RAPGEF2: variants seen among roughly 807,000 people sequenced by gnomAD.
RAPGEF2 encodes PDZ domain containing guanine nucleotide exchange factor (GEF) 1.
Under a neutral mutation model 186.7 loss-of-function variants are expected in RAPGEF2, and 54 were observed. The ratio of observed to expected loss-of-function variants is 0.29; its 90% CI spans 0.23 to 0.36. The LOEUF is 0.36. Among genes scored for constraint, RAPGEF2 ranks in the 10% least tolerant of loss-of-function variants. RAPGEF2 has a pLI of 1.00. For missense variants in RAPGEF2, 1,532 were observed against 2,045.0 expected, an observed-to-expected ratio of 0.75 and a Z score of 4.84; for synonymous variants, 712 against 705.9, an observed-to-expected ratio of 1.01 and a Z score of -0.14.
At chr4:159,286,063 C>T (rs961248744) in intron 7 of RAPGEF2, among the ~76,000 whole-genome samples, 1 of 148,506 alleles carries the variant, frequency 6.7e-6, no homozygotes, top group African/African-American at 2.5e-5. Flanking sequence ...CCACCACCAC[C>T]ACCACCACCA....
chr4:159,355,878 G>GCCGCCCCC lies in RAPGEF2; in HGVS notation c.4679_4680insGCCCCCCC (p.Thr1563ProfsTer65). The GCCGCCCCC allele has an allele frequency of 3.4e-5, 51 of 1,515,786 alleles. No individual in the cohort carries two copies. The highest frequency in any genetic ancestry group is 5.0e-5 in the East Asian group (2 of 40,072). 93.9% of individuals were successfully genotyped at this position (1,515,786 alleles called of 1,614,324 possible). A position where few individuals can be genotyped will look rare whatever the true frequency, so the allele number is the denominator to read the frequency against. On this transcript the variant is annotated frameshift_variant, in exon 29 of 30. Transcript: ENST00000691494. LOFTEE classifies it high-confidence loss of function. Reference sequence around the variant, plus strand: ...CACGAAAGGAGGGCAGGTATCGAGAGCCCCCGCCCACCCCTCCCGGCTACA... The same window carrying GCCGCCCCC: ...CACGAAAGGAGGGCAGGTATCGAGAGCCGCCCCCCCCCCGCCCACCCCTCCCGGCTACA...
rs1286112285 is a variant in RAPGEF2, at chr4:159,354,179, G to T, written c.4651+133G>T. The T allele has an allele frequency of 4.9e-6, 5 of 1,015,622 alleles. No individual in the cohort carries two copies. The East Asian group carries it at 1.3e-4, about 27-fold the overall frequency. The allele number at this position is 1,015,622 out of a possible 1,614,324, so 62.9% of individuals were successfully genotyped here. A position where few individuals can be genotyped will look rare whatever the true frequency, so the allele number is the denominator to read the frequency against. ...ATTGCTATGTAGGACTTCCAAATTAGTGGTGTGTTAAGGTCTTTGAAATCA... is the reference window on the plus strand; with the variant it reads ...ATTGCTATGTAGGACTTCCAAATTATTGGTGTGTTAAGGTCTTTGAAATCA... On this transcript the variant is annotated intron_variant, in intron 28 of 29. Transcript: ENST00000691494.
chr4:159,112,140 G>C (rs997177490), intron 1 of RAPGEF2, among the ~76,000 whole-genome samples: 1 of 152,124 alleles, frequency 6.6e-6, no homozygotes, highest in African/African-American at 2.4e-5. Context: ...TTACCTTTTG[G>C]TTAAAATGAA....
At chr4:159,151,997 A>T (rs952905504) in intron 1 of RAPGEF2, among the ~76,000 whole-genome samples, 9 of 152,168 alleles carry the variant, frequency 5.9e-5, no homozygotes, top group Non-Finnish European at 1.0e-4. Flanking sequence ...ATGGACAAGG[A>T]GAAAGTAGAA....
At position 159,322,491 on chromosome 4, in the gene RAPGEF2, A is replaced by T; in HGVS notation, c.990+8A>T. ...TTAAATGATGGTGAAGAGGTGAGTA[A>T]CTATTCCTACCACTTAAAAAGTTTC... On this transcript the variant is annotated splice_region_variant and intron_variant, in intron 10 of 29. Coordinates refer to ENST00000691494, the MANE Select transcript of RAPGEF2 (RefSeq NM_001394067.2). 1 of 1,611,634 alleles carries T rather than the reference A, an allele frequency of 6.2e-7. No individual in the cohort carries two copies.
intron 17 of RAPGEF2, among the ~76,000 whole-genome samples, chr4:159,333,225 G>A (rs1269944415): frequency 6.6e-6 from 1 of 151,960 alleles, no homozygotes; most frequent in Non-Finnish European, 1.5e-5. Flanking sequence ...TGATCCACCC[G>A]CCTCGGCCTC....
chr4:159,233,090 T>C (rs1752827065), intron 4 of RAPGEF2, among the ~76,000 whole-genome samples: 2 of 152,236 alleles, frequency 1.3e-5, no homozygotes, highest in African/African-American at 2.4e-5. Flanking sequence ...ACAAATACTT[T>C]CTCTTATTCT....
rs1759107840 is a variant in RAPGEF2 at position 159,277,746 on chromosome 4, A to T, written c.544-26596A>T. On this transcript the variant is annotated intron_variant, in intron 7 of 29. Transcript: ENST00000691494. ...CTTCTTTTGTGAAGTGTCTGTTCAT[A>T]TCCTTTGCCCGCTTTTTTATGGGGT... is the stretch of plus-strand genomic sequence containing the variant. 5.9e-5 allele frequency among the ~76,000 whole-genome samples: 9 copies of T among 152,238 alleles called. 1 individual carries two copies. In the South Asian group the frequency reaches 1.9e-3, roughly 32 times the overall value.
chr4:159,150,852 T>C (rs1311130640), intron 1 of RAPGEF2, among the ~76,000 whole-genome samples: 1 of 152,064 alleles, frequency 6.6e-6, no homozygotes, highest in East Asian at 1.9e-4. Flanking sequence ...GAAGCTGAGG[T>C]TTCAGGTAAC....
chr4:159,123,711 G>A (rs1185475825), intron 1 of RAPGEF2, among the ~76,000 whole-genome samples: 2 of 151,600 alleles, frequency 1.3e-5, no homozygotes, highest in South Asian at 4.2e-4. Context: ...GTAGAGACAG[G>A]GTTTCACCGT....
intron 4 of RAPGEF2, among the ~76,000 whole-genome samples, chr4:159,219,200 G>A (rs1339501533): frequency 2.6e-5 from 4 of 152,030 alleles, no homozygotes; most frequent in South Asian, 4.1e-4. Flanking sequence ...TGACATACCC[G>A]TATTAGTTTT....
chr4:159,352,891 C>T lies in RAPGEF2; in HGVS notation c.4072C>T (p.Pro1358Ser). The change falls in exon 27 of 30, where the codon CCT becomes TCT. Residue 1358 changes from proline to serine, a missense_variant. Coordinates refer to ENST00000691494, the MANE Select transcript of RAPGEF2 (RefSeq NM_001394067.2). ...GATGGAGAGGCGGACCATGATTGAA[C>T]CTGATCAGTATAGCTTGGGGTAGGT... ...GRMERRTMIE[P>S]DQYSLGSYAP... 3 of 1,614,086 alleles carry T rather than the reference C, an allele frequency of 1.9e-6. No homozygotes were observed. Among genetic ancestry groups the T allele is most frequent in the Non-Finnish European group, 2.5e-6 (3 of 1,179,956 alleles).
intron 1 of RAPGEF2, among the ~76,000 whole-genome samples, chr4:159,137,093 A>T (rs766929807): frequency 6.6e-6 from 1 of 152,162 alleles, no homozygotes; most frequent in Non-Finnish European, 1.5e-5. Context: ...TGGGCCTATA[A>T]ATTCATTTGA....
chr4:159,197,666 G>A (rs1748796336), intron 3 of RAPGEF2, among the ~76,000 whole-genome samples: 1 of 152,210 alleles, frequency 6.6e-6, no homozygotes, highest in Admixed American at 6.5e-5. Flanking sequence ...AGAACTGCAA[G>A]CCTCAGCTGA....
intron 1 of RAPGEF2, among the ~76,000 whole-genome samples, chr4:159,131,254 G>T (rs1014897277): frequency 6.6e-6 from 1 of 152,086 alleles, no homozygotes; most frequent in Non-Finnish European, 1.5e-5. Flanking sequence ...GGGATTACAG[G>T]CATATGCCAC....
chr4:159,303,796 G>A (rs1196434060), intron 7 of RAPGEF2, among the ~76,000 whole-genome samples: 1 of 152,098 alleles, frequency 6.6e-6, no homozygotes, highest in Non-Finnish European at 1.5e-5. Flanking sequence ...GGTAAGTGTT[G>A]TCCATAACTT....
chr4:159,292,104 T>C (rs1447652219), intron 7 of RAPGEF2, among the ~76,000 whole-genome samples: 1 of 152,162 alleles, frequency 6.6e-6, no homozygotes, highest in African/African-American at 2.4e-5. Context: ...TTAAAATGTG[T>C]TGAATTATTG....
At chr4:159,249,039 C>T (rs887290521) in intron 7 of RAPGEF2, among the ~76,000 whole-genome samples, 2 of 152,168 alleles carry the variant, frequency 1.3e-5, no homozygotes, top group African/African-American at 4.8e-5. Flanking sequence ...TGTTGTGTAG[C>T]AAGTCATGCA....
At chr4:159,164,263 C>G (rs1745049917) in intron 1 of RAPGEF2, among the ~76,000 whole-genome samples, 1 of 150,504 alleles carries the variant, frequency 6.6e-6, no homozygotes, top group Non-Finnish European at 1.5e-5. Flanking sequence ...CTCAGCCTCC[C>G]AAAGTGCTGG....
Sources: gnomAD v4.1 joint callset for allele counts (sites outside exome capture counted in the v4.1 genomes callset) on GRCh38, gnomAD v4.1.1 for gene constraint, MANE v1.5 for transcripts, NCBI Gene and HGNC (gene_info 2026-07-23, HGNC 2026-07-21) for gene names.